Variants in FMN2 observed in about 807,000 individuals in gnomAD.
FMN2 encodes the protein formin 2, also known as formin-2.
Under a neutral mutation model 142.3 loss-of-function variants are expected in FMN2, and 51 were observed. The ratio of observed to expected loss-of-function variants is 0.36; its 90% CI spans 0.29 to 0.45. The LOEUF (loss-of-function observed/expected upper bound fraction) is 0.45, where lower values mean the gene tolerates loss of function less well. Ranked by LOEUF, FMN2 falls within the 20% of genes least tolerant of loss-of-function variation. FMN2 has a pLI of 1.00. For missense variants in FMN2, 1,936 were observed against 2,122.8 expected, an observed-to-expected ratio of 0.91 and a Z score of 1.73; for synonymous variants, 882 against 869.8, an observed-to-expected ratio of 1.01 and a Z score of -0.25.
chr1:240,190,939 A>C (rs1346325805), intron 4 of FMN2, among the ~76,000 whole-genome samples: 2 of 152,140 alleles, frequency 1.3e-5, no homozygotes, highest in African/African-American at 2.4e-5. Flanking sequence ...TTTTTCATGG[A>C]AAGTCCTTGC....
rs530854664 is a variant in FMN2, at chr1:240,147,969, T to C, written c.1782+24624T>C. On this transcript the variant is annotated intron_variant, in intron 2 of 17. Coordinates refer to ENST00000319653, the MANE Select transcript of FMN2 (RefSeq NM_020066.5). ...AGTGTGTTCTGTGAATATTAGTTGC[T>C]ACTTCGCCATGGAAGCTGCTCTTGT... is the stretch of plus-strand genomic sequence containing the variant. Among the ~76,000 whole-genome samples the C allele has an allele frequency of 2.0e-5, 3 of 152,364 alleles. 1 individual carries two copies. In the South Asian group the frequency reaches 6.2e-4, roughly 32 times the overall value.
intron 16 of FMN2, among the ~76,000 whole-genome samples, chr1:240,468,206 A>ATGTGTGTGTGTGTGTG (rs199866888): frequency 5.4e-5 from 8 of 147,876 alleles, no homozygotes; most frequent in African/African-American, 2.0e-4. Flanking sequence ...ATATATATAT[A>ATGTGTGTGTGTGTGTG]TGTGTGTGTG....
At chr1:240,430,209 T>A (rs1221253102) in intron 15 of FMN2, among the ~76,000 whole-genome samples, 1 of 152,078 alleles carries the variant, frequency 6.6e-6, no homozygotes, top group Non-Finnish European at 1.5e-5. Flanking sequence ...ATGAGTCTGT[T>A]TGTATTCATG....
intron 8 of FMN2, among the ~76,000 whole-genome samples, chr1:240,303,145 A>G (rs1264261728): frequency 6.6e-6 from 1 of 152,116 alleles, no homozygotes; most frequent in Non-Finnish European, 1.5e-5. Context: ...CTCCTGCCTC[A>G]GATGATCTTT....
intron 2 of FMN2, among the ~76,000 whole-genome samples, chr1:240,125,849 G>A (rs143422945): frequency 9.4e-4 from 143 of 152,222 alleles, no homozygotes; most frequent in African/African-American, 3.2e-3. Context: ...GGCATCGAGC[G>A]TGAAAAACAA....
At chr1:240,413,717 T>G (rs1674490155) in intron 15 of FMN2, among the ~76,000 whole-genome samples, 2 of 152,240 alleles carry the variant, frequency 1.3e-5, no homozygotes, top group Non-Finnish European at 1.5e-5. Flanking sequence ...TTTTCATGTT[T>G]GGACATCATA....
intron 2 of FMN2, among the ~76,000 whole-genome samples, chr1:240,148,547 T>G (rs1166763852): frequency 2.0e-5 from 3 of 152,038 alleles, no homozygotes; most frequent in Non-Finnish European, 4.4e-5. Flanking sequence ...TTGTCTCCAA[T>G]TGGGGTTAAC....
At chr1:240,338,601 C>G (rs914942024) in intron 13 of FMN2, among the ~76,000 whole-genome samples, 15 of 152,232 alleles carry the variant, frequency 9.9e-5, no homozygotes, top group African/African-American at 3.4e-4. Context: ...CTACCTTCAT[C>G]CCTTCCGGCA....
At chr1:240,413,956 C>T (rs1674499771) in intron 15 of FMN2, among the ~76,000 whole-genome samples, 1 of 152,168 alleles carries the variant, frequency 6.6e-6, no homozygotes, top group South Asian at 2.1e-4. Flanking sequence ...TTTCAACATG[C>T]CAGGAATATC....
At chr1:240,346,719 A>G (rs1189638137) in intron 13 of FMN2, among the ~76,000 whole-genome samples, 3 of 151,956 alleles carry the variant, frequency 2.0e-5, no homozygotes, top group Non-Finnish European at 4.4e-5. Flanking sequence ...AAAGAAAAAT[A>G]GGCAACCAGT....
At chr1:240,120,057 C>A (rs1662172994) in intron 1 of FMN2, among the ~76,000 whole-genome samples, 1 of 152,054 alleles carries the variant, frequency 6.6e-6, no homozygotes, top group South Asian at 2.1e-4. Context: ...CCTGGGAGAC[C>A]AAAGAATGTT....
At chr1:240,265,246 C>A (rs137955762) in intron 7 of FMN2, among the ~76,000 whole-genome samples, 1 of 152,192 alleles carries the variant, frequency 6.6e-6, no homozygotes, top group East Asian at 1.9e-4. Flanking sequence ...TGCATATTGA[C>A]TATGAAATTT....
intron 8 of FMN2, among the ~76,000 whole-genome samples, chr1:240,316,111 T>C (rs1670772025): frequency 6.6e-6 from 1 of 152,186 alleles, no homozygotes; most frequent in Non-Finnish European, 1.5e-5. Context: ...AAAATGAATC[T>C]TATATTCACC....
At chr1:240,365,654 T>A (rs4412583) in intron 14 of FMN2, among the ~76,000 whole-genome samples, 3 of 152,104 alleles carry the variant, frequency 2.0e-5, no homozygotes, top group South Asian at 4.1e-4. Context: ...AATATGGAAC[T>A]ATTCTTCTAT....
At chr1:240,185,391 A>G (rs1665397744) in intron 3 of FMN2, among the ~76,000 whole-genome samples, 1 of 152,166 alleles carries the variant, frequency 6.6e-6, no homozygotes, top group Non-Finnish European at 1.5e-5. Context: ...TGAAGACAGC[A>G]TTTCAACCTG....
In FMN2 at chr1:240,473,586, A is replaced by G. The variant is rs971117144; in HGVS notation, c.5143-542A>G. On this transcript the variant is annotated intron_variant, in intron 17 of 17. Transcript: ENST00000319653. The surrounding 1 kb of genome is among the most constrained non-coding windows in gnomAD (Gnocchi z 4.3). ...TTTTTTTTAAAAAGTTAGGAATTAT[A>G]TCTTCATTTAGAAGCAGTGGTGCCT... is the stretch of plus-strand genomic sequence containing the variant. Among the ~76,000 whole-genome samples the G allele has an allele frequency of 2.6e-5, 4 of 152,206 alleles. No individual in the cohort carries two copies. Among genetic ancestry groups the G allele is most frequent in the Non-Finnish European group, 5.9e-5 (4 of 68,028 alleles).
intron 16 of FMN2, among the ~76,000 whole-genome samples, chr1:240,459,693 G>A (rs1207484804): frequency 8.4e-6 from 1 of 118,778 alleles, no homozygotes; most frequent in Non-Finnish European, 1.6e-5. Context: ...CTCCAGCCTG[G>A]GTGACAGAAC....
chr1:240,106,800 C>T (rs1661626426), intron 1 of FMN2, among the ~76,000 whole-genome samples: 1 of 151,756 alleles, frequency 6.6e-6, no homozygotes, highest in Admixed American at 6.6e-5. Context: ...TCTCCTGCCT[C>T]AGCCTTCCAA....
intron 14 of FMN2, among the ~76,000 whole-genome samples, chr1:240,387,973 C>T (rs1021883719): frequency 1.3e-5 from 2 of 151,662 alleles, no homozygotes; most frequent in Non-Finnish European, 1.5e-5. Flanking sequence ...GTCAGGAGAT[C>T]GAGACCATCC....
Sources: gnomAD v4.1 joint callset for allele counts (sites outside exome capture counted in the v4.1 genomes callset) on GRCh38, gnomAD v4.1.1 for gene constraint, Gnocchi (gnomAD v3.1) non-coding constraint, MANE v1.5 for transcripts, NCBI Gene and HGNC (gene_info 2026-07-23, HGNC 2026-07-21) for gene names.